Variants in SPSB4 observed in about 807,000 individuals in gnomAD.
The protein encoded by SPSB4 is SPRY domain-containing SOCS box protein 4.
A neutral mutation model predicts 20.9 loss-of-function variants in SPSB4; 21 were observed. The ratio of observed to expected loss-of-function variants is 1.01; its 90% CI spans 0.71 to 1.45. SPSB4 has a LOEUF of 1.45. Ranked by LOEUF, SPSB4 falls within the 40% of genes most tolerant of loss-of-function variation. SPSB4 has a pLI of 0.00. For synonymous variants in SPSB4, 207 were observed against 183.8 expected, an observed-to-expected ratio of 1.13 and a Z score of -1.02; for missense variants, 399 against 399.2, an observed-to-expected ratio of 1.00 and a Z score of 0.00.
At chr3:141,135,867 A>C (rs556612167) in intron 2 of SPSB4, among the ~76,000 whole-genome samples, 17 of 152,292 alleles carry the variant, frequency 1.1e-4, no homozygotes, top group East Asian at 5.8e-4. Context: ...CAGTAATGGG[A>C]TGGCTGGGTC....
At chr3:141,118,121 T>C (rs750873611) in intron 2 of SPSB4, among the ~76,000 whole-genome samples, 4 of 152,210 alleles carry the variant, frequency 2.6e-5, no homozygotes, top group Non-Finnish European at 4.4e-5. Context: ...CTCCCACCAA[T>C]GGTACAAAAG....
intron 2 of SPSB4, among the ~76,000 whole-genome samples, chr3:141,141,852 A>G (rs1410924592): frequency 1.3e-5 from 2 of 152,128 alleles, no homozygotes; most frequent in East Asian, 3.8e-4. Flanking sequence ...AATAATCCCC[A>G]TGAATGCACT....
chr3:141,076,393 C>T (rs1346031995), intron 2 of SPSB4, among the ~76,000 whole-genome samples: 4 of 152,252 alleles, frequency 2.6e-5, no homozygotes, highest in Admixed American at 1.3e-4. Flanking sequence ...AGTAAATCCA[C>T]ACTCTTATCC....
rs115244696 is a variant in SPSB4 at position 141,099,135 on chromosome 3, C to T, written c.694+32337C>T. 7.6e-3 allele frequency among the ~76,000 whole-genome samples: 1,153 copies of T among 151,928 alleles called. 10 individuals carry two copies. The highest frequency in any genetic ancestry group is 0.025 in the African/African-American group (1,028 of 41,372). On this transcript the variant is annotated intron_variant, in intron 2 of 2. Transcript: ENST00000310546. The stretch of plus-strand genomic sequence containing the variant: ...TACTGTTACAATGGCAATTAAATAT[C>T]GACATGAGTTTTAGTGGGACATTTA...
At chr3:141,137,805 T>TG (rs1440107573) in intron 2 of SPSB4, among the ~76,000 whole-genome samples, 1 of 152,172 alleles carries the variant, frequency 6.6e-6, no homozygotes, top group East Asian at 1.9e-4. Context: ...TCTTTTTTTG[T>TG]GTGTCTCTGA....
intron 2 of SPSB4, among the ~76,000 whole-genome samples, chr3:141,105,626 A>G (rs1395934391): frequency 6.6e-6 from 1 of 152,158 alleles, no homozygotes; most frequent in African/African-American, 2.4e-5. Context: ...GAAGACATAC[A>G]GCTAATACAC....
intron 2 of SPSB4, among the ~76,000 whole-genome samples, chr3:141,079,030 G>C (rs1024729153): frequency 2.6e-5 from 4 of 152,166 alleles, no homozygotes; most frequent in African/African-American, 4.8e-5. Flanking sequence ...GGGAGGCCGA[G>C]GTGGGCGGAT....
intron 2 of SPSB4, among the ~76,000 whole-genome samples, chr3:141,097,042 C>A (rs961329496): frequency 6.6e-6 from 1 of 152,198 alleles, no homozygotes; most frequent in African/African-American, 2.4e-5. Context: ...AAATTCATCA[C>A]CCTGAAATAC....
chr3:141,111,150 C>T (rs1368629504), intron 2 of SPSB4, among the ~76,000 whole-genome samples: 1 of 152,120 alleles, frequency 6.6e-6, no homozygotes, highest in Non-Finnish European at 1.5e-5. Context: ...AAAACCAAAA[C>T]TTTTTTCATA....
chr3:141,130,155 C>T (rs1393354722), intron 2 of SPSB4, among the ~76,000 whole-genome samples: 1 of 152,220 alleles, frequency 6.6e-6, no homozygotes, highest in African/African-American at 2.4e-5. Flanking sequence ...GGTAATGATA[C>T]ACTTGACAAT....
At chr3:141,129,893 G>A (rs1939108465) in intron 2 of SPSB4, among the ~76,000 whole-genome samples, 1 of 152,232 alleles carries the variant, frequency 6.6e-6, no homozygotes, top group African/African-American at 2.4e-5. Flanking sequence ...CGTATCCCAG[G>A]GAAAATGAGG....
intron 2 of SPSB4, among the ~76,000 whole-genome samples, chr3:141,120,008 G>C (rs1559853079): frequency 6.6e-6 from 1 of 152,030 alleles, no homozygotes; most frequent in Non-Finnish European, 1.5e-5. Flanking sequence ...TGTGATGTTA[G>C]GGTGTCGATT....
intron 1 of SPSB4, among the ~76,000 whole-genome samples, chr3:141,054,309 A>C (rs6439975): frequency 0.93 from 140,860 of 152,242 alleles, 66,058 homozygotes; most frequent in Non-Finnish European, 1. Flanking sequence ...GATGGAGGTC[A>C]CCAGAAGTCT....
In SPSB4 at chr3:141,065,983, G is replaced by A. The variant is rs1012226072; in HGVS notation, c.-122G>A. On this transcript the variant is annotated 5_prime_UTR_variant, in exon 2 of 3. Transcript: ENST00000310546. ...GGGCCCCTGCCGCAGCCCGGTAGAGGCTGTGGAGGTCTACCGTCCGGAAGC... is the reference window on the plus strand; with the variant it reads ...GGGCCCCTGCCGCAGCCCGGTAGAGACTGTGGAGGTCTACCGTCCGGAAGC... 3.4e-6 allele frequency: 3 copies of A among 886,808 alleles called. No homozygotes were observed. Among genetic ancestry groups the A allele is most frequent in the Non-Finnish European group, 4.8e-6 (3 of 622,670 alleles). 54.9% of individuals were successfully genotyped at this position (886,808 alleles called of 1,614,324 possible).
At chr3:141,138,976 T>C (rs1445115714) in intron 2 of SPSB4, among the ~76,000 whole-genome samples, 1 of 152,110 alleles carries the variant, frequency 6.6e-6, no homozygotes, top group Non-Finnish European at 1.5e-5. Flanking sequence ...GTCTAAGTCT[T>C]TTTGTAGGTT....
chr3:141,106,996 C>T (rs1442876491), intron 2 of SPSB4, among the ~76,000 whole-genome samples: 1 of 152,228 alleles, frequency 6.6e-6, no homozygotes, highest in African/African-American at 2.4e-5. Flanking sequence ...TTATTGCAGG[C>T]CATGCCCAGC....
intron 2 of SPSB4, among the ~76,000 whole-genome samples, chr3:141,117,668 A>C (rs1478645164): frequency 6.6e-6 from 1 of 152,070 alleles, no homozygotes; most frequent in East Asian, 1.9e-4. Flanking sequence ...TCCCCCGCCC[A>C]ACAGGCCCTG....
chr3:141,104,471 G>C (rs1938657583), intron 2 of SPSB4, among the ~76,000 whole-genome samples: 1 of 152,196 alleles, frequency 6.6e-6, no homozygotes, highest in Non-Finnish European at 1.5e-5. Flanking sequence ...AAGCTTCTTT[G>C]AGGGCCTCCC....
intron 2 of SPSB4, among the ~76,000 whole-genome samples, chr3:141,138,301 A>AT (rs1333960166): frequency 2.6e-5 from 4 of 152,090 alleles, no homozygotes; most frequent in Admixed American, 2.6e-4. Flanking sequence ...GGATTCATTG[A>AT]TTTTTTGAAG....
Sources: allele counts gnomAD v4.1 joint callset (sites outside exome capture counted in the v4.1 genomes callset), GRCh38; gene constraint gnomAD v4.1.1; transcripts MANE v1.5; gene names NCBI Gene and HGNC (gene_info 2026-07-23, HGNC 2026-07-21).